The following SLC5A4 variants were observed in gnomAD, a reference collection of about 807,000 sequenced individuals.
SLC5A4 encodes solute carrier family 5 member 4, also known as probable glucose sensor protein SLC5A4.
Under a neutral mutation model 70.3 loss-of-function variants are expected in SLC5A4, and 55 were observed. The observed-to-expected ratio is 0.78, with a 90% CI of 0.63 to 0.98. The LOEUF (loss-of-function observed/expected upper bound fraction) is 0.98. Ranked by LOEUF, SLC5A4 falls within the 50% of genes least tolerant of loss-of-function variation. SLC5A4 has a pLI of 0.00. For synonymous variants in SLC5A4, 268 were observed against 305.7 expected (o/e 0.88, Z 1.29); for missense variants, 735 against 839.2 (o/e 0.88, Z 1.53).
At chr22:32,293,256 T>C in the SLC5A4 span, among the ~76,000 whole-genome samples, 1 of 152,170 alleles carries the variant, frequency 6.6e-6, no homozygotes. Flanking sequence ...GTGTTTTAAA[T>C]GGTGCATTTC....
chr22:32,254,971 A>G (rs376664481), intron 1 of SLC5A4, among the ~76,000 whole-genome samples: 3 of 152,206 alleles, frequency 2.0e-5, no homozygotes, highest in African/African-American at 4.8e-5. Context: ...TTGGGGATGC[A>G]TAGTAAATCT....
At chr22:32,299,977 G>T in the SLC5A4 span, among the ~76,000 whole-genome samples, 1 of 132,464 alleles carries the variant, frequency 7.5e-6, no homozygotes, top group Non-Finnish European at 1.6e-5. Flanking sequence ...GGGGGTCAGG[G>T]GTCAGGGACC....
chr22:32,281,048 G>A, the SLC5A4 span, among the ~76,000 whole-genome samples: 2 of 152,176 alleles, frequency 1.3e-5, no homozygotes, highest in Admixed American at 6.5e-5. Context: ...GCTGTGGAAG[G>A]AAAGACCAAT....
intron 13 of SLC5A4, among the ~76,000 whole-genome samples, chr22:32,222,668 A>T (rs955348872): frequency 6.6e-6 from 1 of 152,170 alleles, no homozygotes; most frequent in African/African-American, 2.4e-5. Context: ...TTAGTTAGGA[A>T]TTTCAGTGAC....
the SLC5A4 span, among the ~76,000 whole-genome samples, chr22:32,349,434 C>G: frequency 2.0e-5 from 3 of 152,176 alleles, no homozygotes; most frequent in African/African-American, 7.2e-5. Flanking sequence ...TCCACCTGTC[C>G]CAGGGCCTTA....
At chr22:32,329,246 C>T in the SLC5A4 span, among the ~76,000 whole-genome samples, 6 of 152,204 alleles carry the variant, frequency 3.9e-5, no homozygotes, top group Non-Finnish European at 7.3e-5. Flanking sequence ...CCAATCTTCA[C>T]TCAGCCTTAG....
chr22:32,224,653 T>C (rs962192356), intron 12 of SLC5A4, among the ~76,000 whole-genome samples, 171 bp from the exon 13 acceptor site: 3 of 152,214 alleles, frequency 2.0e-5, no homozygotes, highest in Non-Finnish European at 4.4e-5. Flanking sequence ...TGCTTCTTAG[T>C]TGGATGCTGC....
the SLC5A4 span, among the ~76,000 whole-genome samples, chr22:32,347,181 C>T: frequency 4.6e-5 from 7 of 152,070 alleles, no homozygotes; most frequent in African/African-American, 9.7e-5. Context: ...GTCAGAATGG[C>T]GATCATTAAA....
the SLC5A4 span, among the ~76,000 whole-genome samples, chr22:32,336,753 C>G: frequency 2.0e-5 from 3 of 152,228 alleles, no homozygotes; most frequent in African/African-American, 7.2e-5. Flanking sequence ...CACCCTTTGG[C>G]TGAAGACATT....
At chr22:32,237,404 A>G (rs985340410) in intron 6 of SLC5A4, 80 bp from the exon 7 acceptor site, 4 of 909,098 alleles carry the variant, frequency 4.4e-6, no homozygotes, top group Non-Finnish European at 6.6e-6. Flanking sequence ...GTTCTCCTCC[A>G]CCCACAACCC....
chr22:32,261,249 G>C, the SLC5A4 span, among the ~76,000 whole-genome samples: 1 of 152,220 alleles, frequency 6.6e-6, no homozygotes, highest in Non-Finnish European at 1.5e-5. Context: ...GCTGGCTGCA[G>C]TTCAGGTCCT....
upstream of SLC5A4, among the ~76,000 whole-genome samples, chr22:32,259,589 T>A (rs2145716536): frequency 6.6e-6 from 1 of 152,360 alleles, no homozygotes; most frequent in Admixed American, 6.5e-5. Flanking sequence ...TGCTGCTATA[T>A]TAGGTTACCT....
chr22:32,332,633 G>A, the SLC5A4 span, among the ~76,000 whole-genome samples: 3 of 152,286 alleles, frequency 2.0e-5, no homozygotes, highest in Admixed American at 6.5e-5. Flanking sequence ...GGGGTCAACA[G>A]GGAGCTGTGT....
At chr22:32,222,559 T>A (rs1331808978) in intron 13 of SLC5A4, among the ~76,000 whole-genome samples, 2 of 152,238 alleles carry the variant, frequency 1.3e-5, no homozygotes, top group Admixed American at 6.5e-5. Context: ...TAAAATTGGT[T>A]ACTTCTACTG....
the SLC5A4 span, chr22:32,272,644 A>G: frequency 1.0e-5 from 6 of 579,768 alleles, no homozygotes; most frequent in Middle Eastern, 3.4e-4. Context: ...GTGTACATGT[A>G]CCTGCCTGAA....
chr22:32,310,889 A>C, the SLC5A4 span, among the ~76,000 whole-genome samples: 1 of 152,316 alleles, frequency 6.6e-6, no homozygotes, highest in East Asian at 1.9e-4. Context: ...TGTGACTCAC[A>C]GTGGAGCCCA....
chr22:32,342,293 C>CCAAGT, the SLC5A4 span, among the ~76,000 whole-genome samples: 1 of 152,102 alleles, frequency 6.6e-6, no homozygotes, highest in Non-Finnish European at 1.5e-5. Context: ...CTGGTAGAAA[C>CCAAGT]AACACCAAGT....
At chr22:32,281,791 T>G in the SLC5A4 span, among the ~76,000 whole-genome samples, 3 of 150,426 alleles carry the variant, frequency 2.0e-5, no homozygotes, top group Non-Finnish European at 3.0e-5. Context: ...GTACCCTGAT[T>G]GTTCCTCCAT....
the SLC5A4 span, among the ~76,000 whole-genome samples, chr22:32,307,580 C>G: frequency 2.6e-5 from 4 of 152,164 alleles, no homozygotes; most frequent in African/African-American, 4.8e-5. Flanking sequence ...CTAGGAGGAT[C>G]CTGACCTCTT....
Sources: allele counts gnomAD v4.1 joint callset (sites outside exome capture counted in the v4.1 genomes callset), GRCh38; gene constraint gnomAD v4.1.1; transcripts MANE v1.5; gene names NCBI Gene and HGNC (gene_info 2026-07-23, HGNC 2026-07-21).